The following COL9A1 variants were observed in gnomAD, a reference collection of about 807,000 sequenced individuals.
COL9A1 encodes collagen type IX alpha 1 chain, also known as collagen alpha-1(IX) chain.
A neutral mutation model predicts 142.6 loss-of-function variants in COL9A1; 104 were observed. That is an observed-to-expected ratio of 0.73 (90% CI 0.62 to 0.86). COL9A1 has a LOEUF of 0.86. COL9A1 is among the 40% of genes least tolerant of loss of function. The pLI is 0.00. For missense variants in COL9A1, 1,210 were observed against 1,176.6 expected, an observed-to-expected ratio of 1.03 and a Z score of -0.42; for synonymous variants, 466 against 396.0, an observed-to-expected ratio of 1.18 and a Z score of -2.10.
At chr6:70,298,381 GT>G (rs1583353009) in intron 4 of COL9A1, among the ~76,000 whole-genome samples, 1 of 152,294 alleles carries the variant, frequency 6.6e-6, no homozygotes, top group East Asian at 1.9e-4. Context: ...AAACTTTACT[GT>G]TTACTTGGAA....
At chr6:70,226,036 T>C in intron 36 of COL9A1, 27 bp from the exon 37 acceptor site, 1 of 1,567,694 alleles carries the variant, frequency 6.4e-7, no homozygotes, top group Non-Finnish European at 8.8e-7. Context: ...AAATGTTATT[T>C]TTCTACATAT....
rs1294108385 is a variant in COL9A1, at chr6:70,254,465, C to T, written c.1719+11G>A. ...ATAAACCAATTAACATGTAAAGAAT[C>T]AAATACTTACTGGTAACCCCTGCAA... is the stretch of plus-strand genomic sequence containing the variant. On this transcript the variant is annotated intron_variant, in intron 25 of 37. Transcript: ENST00000357250. The T allele has an allele frequency of 3.1e-6, 5 of 1,613,596 alleles. 1 individual carries two copies. The South Asian group carries it at 5.5e-5, about 18-fold the overall frequency.
intron 20 of COL9A1, 111 bp from the exon 21 acceptor site, chr6:70,256,932 C>A: frequency 1.1e-6 from 1 of 929,048 alleles, no homozygotes; most frequent in Non-Finnish European, 1.7e-6. Flanking sequence ...GGTTTTGTGC[C>A]TGTAATACAC....
chr6:70,294,137 A>G (rs752228083), intron 5 of COL9A1, 30 bp downstream of exon 5: 2 of 1,613,634 alleles, frequency 1.2e-6, no homozygotes, highest in South Asian at 1.1e-5. Context: ...TTTTGCTTTA[A>G]TCTGCCATAG....
chr6:70,268,376 A>G (rs1355404963), intron 17 of COL9A1, among the ~76,000 whole-genome samples: 3 of 151,980 alleles, frequency 2.0e-5, no homozygotes, highest in Non-Finnish European at 4.4e-5. Flanking sequence ...CACCATGCCT[A>G]GCTAATTTTT....
intron 5 of COL9A1, among the ~76,000 whole-genome samples, chr6:70,284,409 T>G (rs945481623): frequency 1.3e-5 from 2 of 152,188 alleles, no homozygotes; most frequent in Non-Finnish European, 2.9e-5. Flanking sequence ...GGACTGAAGA[T>G]GAAGGCAGTG....
intron 10 of COL9A1, among the ~76,000 whole-genome samples, chr6:70,275,793 T>C (rs1207731666): frequency 6.6e-6 from 1 of 152,100 alleles, no homozygotes; most frequent in East Asian, 1.9e-4. Flanking sequence ...TATAAGTATC[T>C]TATAAACCCT....
intron 20 of COL9A1, among the ~76,000 whole-genome samples, chr6:70,257,608 C>T (rs1212934483): frequency 6.6e-6 from 1 of 152,078 alleles, no homozygotes; most frequent in East Asian, 1.9e-4. Flanking sequence ...TTAGCCGGGT[C>T]TGTTGGCACA....
chr6:70,248,090 C>A (rs1477263369), intron 28 of COL9A1, among the ~76,000 whole-genome samples: 1 of 152,156 alleles, frequency 6.6e-6, no homozygotes, highest in Admixed American at 6.5e-5. Flanking sequence ...TGAACACAAC[C>A]CACTCAGCAA....
chr6:70,303,060 C>G lies in COL9A1; in HGVS notation c.-136G>C, dbSNP rs899767726. 1.7e-5 allele frequency: 16 copies of G among 917,262 alleles called. No individual in the cohort carries two copies. The highest frequency in any genetic ancestry group is 2.4e-5 in the East Asian group (1 of 41,690). 56.8% of individuals were successfully genotyped at this position (917,262 alleles called of 1,614,324 possible). A position where few individuals can be genotyped will look rare whatever the true frequency, so the allele number is the denominator to read the frequency against. On this transcript the variant is annotated 5_prime_UTR_variant, in exon 1 of 38. Transcript: ENST00000357250. ...GGGCCCAGCCTTGGTCCCTCCTGCC[C>G]CCGGTGAGGGCTAAAAGCAAAGGGA... is the stretch of plus-strand genomic sequence containing the variant.
chr6:70,274,106 G>T (rs1265557982), intron 11 of COL9A1, 24 bp from the exon 12 acceptor site: 1 of 1,573,376 alleles, frequency 6.4e-7, no homozygotes, highest in Admixed American at 1.7e-5. Context: ...TAGTTTCATT[G>T]TACTGACCTT....
At chr6:70,224,258 C>T (rs1221112428) in intron 37 of COL9A1, among the ~76,000 whole-genome samples, 1 of 152,102 alleles carries the variant, frequency 6.6e-6, no homozygotes, top group African/African-American at 2.4e-5. Context: ...TCGGGGAAGC[C>T]CCTCTGACTG....
At chr6:70,236,404 C>G (rs1020701708) in intron 33 of COL9A1, among the ~76,000 whole-genome samples, 7 of 152,062 alleles carry the variant, frequency 4.6e-5, no homozygotes, top group Non-Finnish European at 7.4e-5. Flanking sequence ...CAGAATAGCT[C>G]CAATGTACTG....
intron 5 of COL9A1, among the ~76,000 whole-genome samples, chr6:70,289,973 C>A (rs1773596312): frequency 6.6e-6 from 1 of 152,142 alleles, no homozygotes; most frequent in Non-Finnish European, 1.5e-5. Context: ...CCAGCTCTCA[C>A]ATTTTCTCTG....
chr6:70,278,768 A>T (rs553911247), intron 10 of COL9A1, among the ~76,000 whole-genome samples: 1 of 152,322 alleles, frequency 6.6e-6, no homozygotes, highest in African/African-American at 2.4e-5. Context: ...ATTTACTTGA[A>T]ATTGCTTTCT....
intron 26 of COL9A1, among the ~76,000 whole-genome samples, chr6:70,252,546 A>G (rs927285384): frequency 1.3e-5 from 2 of 152,196 alleles, no homozygotes; most frequent in Non-Finnish European, 2.9e-5. Context: ...ATGTCAAACA[A>G]TGAGGGGTTT....
Position 70,274,094 on chromosome 6 carries a change from AAT to A in COL9A1, c.1030-14_1030-13del, listed in dbSNP as rs2127592403. ...ACACCAGGTTCTCCCTAAAAATAAA[AAT>A]AGTTTCATTGTACTGACCTTTCATA... On this transcript the variant is annotated splice_polypyrimidine_tract_variant and intron_variant, in intron 11 of 37. Transcript: ENST00000357250. The A allele has an allele frequency of 6.3e-7, 1 of 1,587,926 alleles. No homozygotes were observed. Among genetic ancestry groups the A allele is most frequent in the Non-Finnish European group, 8.6e-7 (1 of 1,164,346 alleles).
At position 70,274,060 on chromosome 6, in the gene COL9A1, G is replaced by C. The variant is rs201035486; in HGVS notation, c.1052C>G (p.Ser351Trp). 1.9e-6 allele frequency: 3 copies of C among 1,565,800 alleles called. No individual in the cohort carries two copies. The highest frequency in any genetic ancestry group is 1.2e-5 in the South Asian group (1 of 82,686). ...GQKGEPGVPGSRGFPGRGIPG... is the reference protein window; with the variant it reads ...GQKGEPGVPGWRGFPGRGIPG... The stretch of plus-strand genomic sequence containing the variant: ...ACATTTACTTACTGGAAATCCACGC[G>C]ATCCAGGCACACCAGGTTCTCCCTA... Residue 351 changes from serine (S) to tryptophan (W), a missense_variant, in exon 12 of 38, where the codon TCG becomes TGG. By Grantham distance (177) the Ser-to-Trp change is radical. Transcript: ENST00000357250.
At chr6:70,267,988 TAG>T (rs1046193768) in intron 17 of COL9A1, among the ~76,000 whole-genome samples, 17 of 152,264 alleles carry the variant, frequency 1.1e-4, no homozygotes, top group Admixed American at 5.9e-4. Flanking sequence ...ACTGAGAGAC[TAG>T]AGAGAGAGAA....
Sources: gnomAD v4.1 joint callset for allele counts (sites outside exome capture counted in the v4.1 genomes callset) on GRCh38, gnomAD v4.1.1 for gene constraint, MANE v1.5 for transcripts, NCBI Gene and HGNC (gene_info 2026-07-23, HGNC 2026-07-21) for gene names.